PKNOX2: variants seen among roughly 807,000 people sequenced by gnomAD.
PKNOX2 encodes homeobox protein PKNOX2.
A neutral mutation model predicts 53.1 loss-of-function variants in PKNOX2; 14 were observed. The ratio of observed to expected loss-of-function variants is 0.26; its 90% confidence interval spans 0.17 to 0.41. The LOEUF (loss-of-function observed/expected upper bound fraction) is 0.41. Ranked by LOEUF, PKNOX2 falls within the 10% of genes least tolerant of loss-of-function variation. The pLI is 1.00. For missense variants in PKNOX2, 496 were observed against 602.8 expected, an observed-to-expected ratio of 0.82 and a Z score of 1.85; for synonymous variants, 257 against 242.8, an observed-to-expected ratio of 1.06 and a Z score of -0.54.
chr11:125,321,892 A>G (rs1251806140), intron 2 of PKNOX2, among the ~76,000 whole-genome samples: 1 of 152,206 alleles, frequency 6.6e-6, no homozygotes. Context: ...TTTCTCATAG[A>G]TGGGAACTTC....
intron 1 of PKNOX2, among the ~76,000 whole-genome samples, chr11:125,192,725 G>T (rs1956954388): frequency 6.6e-6 from 1 of 152,208 alleles, no homozygotes; most frequent in South Asian, 2.1e-4. Flanking sequence ...TGGGAGGACT[G>T]TCTGCCTTGT....
At chr11:125,176,010 G>T (rs1360503566) in intron 1 of PKNOX2, among the ~76,000 whole-genome samples, 1 of 152,180 alleles carries the variant, frequency 6.6e-6, no homozygotes, top group Non-Finnish European at 1.5e-5. Flanking sequence ...CACTCACAGC[G>T]TGATGACAGC....
At chr11:125,405,674 C>T (rs761828126) in intron 7 of PKNOX2, among the ~76,000 whole-genome samples, 29 of 152,176 alleles carry the variant, frequency 1.9e-4, no homozygotes, top group Non-Finnish European at 2.8e-4. Flanking sequence ...TTGCAGCTGG[C>T]CCAGAGGATG....
chr11:125,194,172 G>A (rs961847259), intron 1 of PKNOX2, among the ~76,000 whole-genome samples: 10 of 152,180 alleles, frequency 6.6e-5, no homozygotes, highest in Non-Finnish European at 1.2e-4. Context: ...GAGCGGTTGC[G>A]TAGCACAGGG....
chr11:125,262,979 T>C (rs1459677404), intron 2 of PKNOX2, among the ~76,000 whole-genome samples: 2 of 152,128 alleles, frequency 1.3e-5, no homozygotes, highest in Non-Finnish European at 2.9e-5. Context: ...TAATGCTGGT[T>C]AAATGCTGCT....
intron 1 of PKNOX2, among the ~76,000 whole-genome samples, chr11:125,200,772 C>T (rs1222165722): frequency 1.3e-5 from 2 of 152,202 alleles, no homozygotes; most frequent in African/African-American, 4.8e-5. Flanking sequence ...AGGGCAGGGC[C>T]TGGGTTGACC....
At position 125,384,593 on chromosome 11, in the gene PKNOX2, A is replaced by G. The variant is rs147691663; in HGVS notation, c.228-958A>G. 4.4e-3 allele frequency among the ~76,000 whole-genome samples: 666 copies of G among 152,282 alleles called. 7 individuals are homozygous for G. The highest frequency in any genetic ancestry group is 0.015 in the African/African-American group (629 of 41,550). ...CAGATACTCAGGAGGCTGAGACAGG[A>G]GAATGGCGTGAACCCAGGGAGGGAG... On this transcript the variant is annotated intron_variant, in intron 5 of 12. Transcript: ENST00000298282.
chr11:125,428,956 G>C, intron 10 of PKNOX2, 56 bp from the exon 11 acceptor site: 2 of 1,536,684 alleles, frequency 1.3e-6, no homozygotes, highest in Non-Finnish European at 9.0e-7. Context: ...ACAGTCCCTT[G>C]GGGGGGCCAG....
chr11:125,283,760 C>T (rs1946724959), intron 2 of PKNOX2, among the ~76,000 whole-genome samples: 1 of 152,166 alleles, frequency 6.6e-6, no homozygotes. Flanking sequence ...GAACTCATTC[C>T]TCCTGGTGGT....
At chr11:125,405,224 T>C (rs947633159) in intron 7 of PKNOX2, among the ~76,000 whole-genome samples, 20 of 152,394 alleles carry the variant, frequency 1.3e-4, no homozygotes, top group Middle Eastern at 3.4e-3. Context: ...CATTCCCCTG[T>C]TTCACAGGCA....
At chr11:125,243,237 C>T (rs1943294363) in intron 2 of PKNOX2, among the ~76,000 whole-genome samples, 1 of 152,176 alleles carries the variant, frequency 6.6e-6, no homozygotes, top group South Asian at 2.1e-4. Flanking sequence ...ACTTGTAGAG[C>T]AATGGTTATA....
At chr11:125,186,407 T>A (rs1443506694) in intron 1 of PKNOX2, among the ~76,000 whole-genome samples, 1 of 152,194 alleles carries the variant, frequency 6.6e-6, no homozygotes, top group Non-Finnish European at 1.5e-5. Context: ...ATCCCAGAAC[T>A]TTGAGAGGCT....
intron 1 of PKNOX2, among the ~76,000 whole-genome samples, chr11:125,228,825 G>C (rs1054408604): frequency 6.6e-6 from 1 of 151,842 alleles, no homozygotes; most frequent in Non-Finnish European, 1.5e-5. Context: ...ACCCTTTTTT[G>C]CCAATGCATT....
chr11:125,403,399 T>C (rs2135491994), intron 7 of PKNOX2, among the ~76,000 whole-genome samples: 1 of 152,182 alleles, frequency 6.6e-6, no homozygotes. Flanking sequence ...CTTGTATTGG[T>C]CCAAGAAGAG....
intron 2 of PKNOX2, among the ~76,000 whole-genome samples, chr11:125,307,618 A>G (rs982311650): frequency 1.3e-5 from 2 of 152,182 alleles, no homozygotes; most frequent in Non-Finnish European, 2.9e-5. Context: ...ACCCCAAAAC[A>G]TTTATGAAGT....
At position 125,410,329 on chromosome 11, in the gene PKNOX2, G is replaced by C. The variant is rs3824918; in HGVS notation, c.718+4G>C. 6.2e-7 allele frequency: 1 copy of C among 1,613,758 alleles called. No homozygotes were observed. Among genetic ancestry groups the C allele is most frequent in the African/African-American group, 1.3e-5 (1 of 74,886 alleles). ...GTCAACTCACAAGTTGTGTCAGGTC[G>C]GTGCAAAGACTGGGAAGGGTGATTG... is the stretch of plus-strand genomic sequence containing the variant. On this transcript the variant is annotated splice_donor_region_variant and intron_variant, in intron 8 of 12. Transcript: ENST00000298282.
intron 10 of PKNOX2, among the ~76,000 whole-genome samples, chr11:125,423,176 A>G (rs1956252881): frequency 6.6e-6 from 1 of 152,122 alleles, no homozygotes; most frequent in East Asian, 1.9e-4. Flanking sequence ...TTTACAGAAG[A>G]AGAAACTAAG....
rs1303365380 is a variant in PKNOX2 at position 125,240,374 on chromosome 11, C to T, written c.-130+5259C>T. 1 of 152,174 alleles carries T rather than the reference C, an allele frequency of 6.6e-6. No individual in the cohort carries two copies. The highest frequency in any genetic ancestry group is 1.5e-5 in the Non-Finnish European group (1 of 68,050). 9.4% of individuals were successfully genotyped at this position (152,174 alleles called of 1,614,324 possible). A position where few individuals can be genotyped will look rare whatever the true frequency, so the allele number is the denominator to read the frequency against. Reference sequence around the variant, plus strand: ...TAACGAGATTTTGCTAATTAAATCTCCTTTCAGTTGGTGTGACTATGCCTG... The same window carrying T: ...TAACGAGATTTTGCTAATTAAATCTTCTTTCAGTTGGTGTGACTATGCCTG... On this transcript the variant is annotated intron_variant, in intron 2 of 12. Coordinates refer to ENST00000298282, the MANE Select transcript of PKNOX2 (RefSeq NM_001382323.2). The surrounding 1 kb of genome is among the most constrained non-coding windows in gnomAD (Gnocchi z 4.3).
At chr11:125,202,526 C>T (rs886557945) in intron 1 of PKNOX2, among the ~76,000 whole-genome samples, 1 of 152,154 alleles carries the variant, frequency 6.6e-6, no homozygotes, top group African/African-American at 2.4e-5. Context: ...GCAGGTGCAC[C>T]GTGGAGAAGA....
Sources: gnomAD v4.1 joint callset for allele counts (sites outside exome capture counted in the v4.1 genomes callset) on GRCh38, gnomAD v4.1.1 for gene constraint, Gnocchi (gnomAD v3.1) non-coding constraint, MANE v1.5 for transcripts, NCBI Gene and HGNC (gene_info 2026-07-23, HGNC 2026-07-21) for gene names.